RYR2: variants seen among roughly 807,000 people sequenced by gnomAD.
RYR2 encodes ryanodine receptor 2.
In RYR2, 227 loss-of-function variants were observed where a neutral mutation model predicts 601.1. The ratio of observed to expected loss-of-function variants is 0.38; its 90% CI spans 0.34 to 0.42. RYR2 has a LOEUF of 0.42. RYR2 is among the 10% of genes least tolerant of loss of function. The pLI, the probability that RYR2 is intolerant of heterozygous loss-of-function variation, is 1.00. For synonymous variants in RYR2, 2,223 were observed against 2,175.1 expected (o/e 1.02, Z -0.61); for missense variants, 4,646 against 6,156.5 (o/e 0.75, Z 8.21).
intron 3 of RYR2, among the ~76,000 whole-genome samples, chr1:237,344,010 A>T (rs1393532869): frequency 1.3e-5 from 2 of 151,764 alleles, no homozygotes; most frequent in Admixed American, 1.3e-4. Context: ...TTTAGTACAG[A>T]TGGGGTTTCT....
At chr1:237,063,848 C>G (rs16834779) in intron 1 of RYR2, among the ~76,000 whole-genome samples, 3 of 152,198 alleles carry the variant, frequency 2.0e-5, no homozygotes, top group East Asian at 1.9e-4. Context: ...TCCTTGTTTG[C>G]GTATGGAATT....
chr1:237,151,417 A>T (rs1387714367), intron 1 of RYR2, among the ~76,000 whole-genome samples: 1 of 152,174 alleles, frequency 6.6e-6, no homozygotes, highest in Non-Finnish European at 1.5e-5. Context: ...ACCCCTCAAC[A>T]TGTTCTTTGA....
intron 25 of RYR2, among the ~76,000 whole-genome samples, chr1:237,545,990 A>G (rs1455415324): frequency 6.6e-6 from 1 of 150,688 alleles, no homozygotes; most frequent in African/African-American, 2.4e-5. Context: ...ATACATAAAT[A>G]TATCTATATC....
At chr1:237,375,948 G>T (rs534211433) in intron 7 of RYR2, among the ~76,000 whole-genome samples, 1 of 152,102 alleles carries the variant, frequency 6.6e-6, no homozygotes, top group African/African-American at 2.4e-5. Context: ...ATGCTACTCT[G>T]TTTTTTCCCG....
rs541092156 is a variant in RYR2, at chr1:237,173,564, T to C, written c.49-96933T>C. Reference sequence around the variant, plus strand: ...ACTCTGACAATAAACTGAGGATGCTTGTTGGAAAGAGTAGCTGGGTCAGGT... The same window carrying C: ...ACTCTGACAATAAACTGAGGATGCTCGTTGGAAAGAGTAGCTGGGTCAGGT... On this transcript the variant is annotated intron_variant, in intron 1 of 104. Coordinates refer to ENST00000366574, the MANE Select transcript of RYR2 (RefSeq NM_001035.3). Among the ~76,000 whole-genome samples the C allele has an allele frequency of 2.4e-4, 37 of 152,278 alleles. 1 individual carries two copies. Among genetic ancestry groups the C allele is most frequent in the Admixed American group, 1.6e-3 (24 of 15,298 alleles).
chr1:237,420,456 T>G (rs1705443209), intron 11 of RYR2, among the ~76,000 whole-genome samples: 1 of 152,192 alleles, frequency 6.6e-6, no homozygotes, highest in Admixed American at 6.5e-5. Flanking sequence ...CATAGGAAAT[T>G]GCTTTATAAA....
chr1:237,736,103 C>T (rs1408822754), intron 79 of RYR2, among the ~76,000 whole-genome samples: 1 of 152,018 alleles, frequency 6.6e-6, no homozygotes, highest in Non-Finnish European at 1.5e-5. Context: ...CATGAATCAC[C>T]AAATTGTTTT....
chr1:237,494,872 T>C (rs553827636), intron 19 of RYR2, among the ~76,000 whole-genome samples: 12 of 152,114 alleles, frequency 7.9e-5, no homozygotes, highest in South Asian at 2.1e-4. Context: ...CTCACTGCAA[T>C]CTCTGCCTCC....
intron 1 of RYR2, among the ~76,000 whole-genome samples, chr1:237,111,680 T>A (rs575722087): frequency 6.6e-6 from 1 of 150,800 alleles, no homozygotes; most frequent in African/African-American, 2.4e-5. Flanking sequence ...AAAGAAAATA[T>A]CCAGTGGAAA....
intron 2 of RYR2, among the ~76,000 whole-genome samples, chr1:237,323,952 G>A (rs1695894396): frequency 6.6e-6 from 1 of 152,140 alleles, no homozygotes; most frequent in Non-Finnish European, 1.5e-5. Context: ...CCTTCTTGGA[G>A]GCAATAATGT....
At chr1:237,369,442 C>A in intron 5 of RYR2, 92 bp from the exon 6 acceptor site, 2 of 1,070,706 alleles carry the variant, frequency 1.9e-6, no homozygotes, top group Non-Finnish European at 2.8e-6. Flanking sequence ...TACTAACGTT[C>A]CTTTGAGAGC....
At chr1:237,632,173 GAAAC>G in intron 42 of RYR2, among the ~76,000 whole-genome samples, 1 of 151,972 alleles carries the variant, frequency 6.6e-6, no homozygotes, top group African/African-American at 2.4e-5. Flanking sequence ...TAGAAACTTA[GAAAC>G]ATAAAAATTA....
intron 8 of RYR2, among the ~76,000 whole-genome samples, chr1:237,379,945 C>A (rs1349799994): frequency 6.6e-6 from 1 of 152,128 alleles, no homozygotes; most frequent in Non-Finnish European, 1.5e-5. Context: ...GCAGAAACAA[C>A]AGGAAAGGCC....
chr1:237,146,279 T>A (rs1312254989), intron 1 of RYR2, among the ~76,000 whole-genome samples: 1 of 152,236 alleles, frequency 6.6e-6, no homozygotes, highest in African/African-American at 2.4e-5. Context: ...AACCCCACAT[T>A]TTTAATTTAG....
chr1:237,513,511 G>A (rs988266480), intron 24 of RYR2, among the ~76,000 whole-genome samples: 1 of 152,176 alleles, frequency 6.6e-6, no homozygotes, highest in African/African-American at 2.4e-5. Flanking sequence ...GTCATGAGCT[G>A]CCTAACAGTG....
At chr1:237,174,645 T>A (rs1677810299) in intron 1 of RYR2, among the ~76,000 whole-genome samples, 1 of 152,170 alleles carries the variant, frequency 6.6e-6, no homozygotes, top group South Asian at 2.1e-4. Context: ...AATCTGAGAT[T>A]TGCCAATCTC....
At chr1:237,133,957 C>G (rs187205689) in intron 1 of RYR2, among the ~76,000 whole-genome samples, 1 of 148,086 alleles carries the variant, frequency 6.8e-6, no homozygotes, top group Non-Finnish European at 1.5e-5. Context: ...GGGAGTCATC[C>G]CTTAGTTAGG....
chr1:237,319,417 A>C (rs1166959402), intron 2 of RYR2, among the ~76,000 whole-genome samples: 1 of 151,730 alleles, frequency 6.6e-6, no homozygotes, highest in Admixed American at 6.6e-5. Flanking sequence ...TAATATAACA[A>C]CCCTGAATTC....
chr1:237,819,561 G>A lies in RYR2; in HGVS notation c.14590+369G>A, dbSNP rs948518973. Among the ~76,000 whole-genome samples, 1 of 152,256 alleles carries A rather than the reference G, an allele frequency of 6.6e-6. No homozygotes were observed. The highest frequency in any genetic ancestry group is 1.5e-5 in the Non-Finnish European group (1 of 68,012). On this transcript the variant is annotated intron_variant, in intron 101 of 104. Transcript: ENST00000366574. This position sits in a 1 kb window ranked among gnomAD's most constrained non-coding sequence, Gnocchi z 4.0. Reference sequence around the variant, plus strand: ...CAGCTGGGTGCGGTGGCTCATGCCTGTAATCCAAGCACTTTGGGAGGCTGA... The same window carrying A: ...CAGCTGGGTGCGGTGGCTCATGCCTATAATCCAAGCACTTTGGGAGGCTGA...
Sources: gnomAD v4.1 joint callset for allele counts (sites outside exome capture counted in the v4.1 genomes callset) on GRCh38, gnomAD v4.1.1 for gene constraint, Gnocchi (gnomAD v3.1) non-coding constraint, MANE v1.5 for transcripts, NCBI Gene and HGNC (gene_info 2026-07-23, HGNC 2026-07-21) for gene names.